The following NRXN1 variants were observed in gnomAD, a reference collection of about 807,000 sequenced individuals.
NRXN1 encodes the protein neurexin-1.
In NRXN1, 39 loss-of-function variants were observed where a neutral mutation model predicts 150.9. The observed-to-expected ratio is 0.26, with a 90% CI of 0.20 to 0.34. The LOEUF is 0.34. Among genes scored for constraint, NRXN1 ranks in the 10% least tolerant of loss-of-function variants. The pLI is 1.00. For missense variants in NRXN1, 1,815 were observed against 1,949.9 expected (o/e 0.93, Z 1.30); for synonymous variants, 924 against 757.0 (o/e 1.22, Z -3.62).
At chr2:50,208,459 A>T (rs1193721429) in intron 18 of NRXN1, among the ~76,000 whole-genome samples, 1 of 152,088 alleles carries the variant, frequency 6.6e-6, no homozygotes, top group African/African-American at 2.4e-5. Flanking sequence ...ATCTTTGTAA[A>T]TCTTTCTCAC....
At chr2:50,555,987 G>C (rs1668186666) in intron 8 of NRXN1, among the ~76,000 whole-genome samples, 1 of 152,008 alleles carries the variant, frequency 6.6e-6, no homozygotes, top group Non-Finnish European at 1.5e-5. Context: ...AGTTCTTGTA[G>C]GTAAGAACTA....
chr2:50,526,533 C>T (rs760993568), intron 12 of NRXN1, among the ~76,000 whole-genome samples: 2 of 152,148 alleles, frequency 1.3e-5, no homozygotes, highest in Non-Finnish European at 2.9e-5. Context: ...ACAAAATGCA[C>T]TCCAGGTAGA....
intron 9 of NRXN1, among the ~76,000 whole-genome samples, chr2:50,551,116 G>A (rs1314043254): frequency 8.2e-6 from 1 of 121,982 alleles, no homozygotes; most frequent in Non-Finnish European, 1.7e-5. Context: ...GAGGGGGAGG[G>A]GGAGGGGGAG....
In NRXN1 at chr2:50,746,243, G is replaced by A. The variant is rs114350510; in HGVS notation, c.833-122628C>T. On this transcript the variant is annotated intron_variant, in intron 5 of 22. Coordinates refer to ENST00000401669, the MANE Select transcript of NRXN1 (RefSeq NM_001330078.2). ...GCTCACTGGTGTGAGGGGCTGGTGA[G>A]CAAGCGTACTACTGTATCAATGAAA... 2.4e-3 allele frequency among the ~76,000 whole-genome samples: 367 copies of A among 152,150 alleles called. 2 individuals carry two copies. Among genetic ancestry groups the A allele is most frequent in the Non-Finnish European group, 3.8e-3 (261 of 68,010 alleles).
intron 18 of NRXN1, among the ~76,000 whole-genome samples, chr2:50,150,392 C>G (rs2058626514): frequency 6.6e-6 from 1 of 151,800 alleles, no homozygotes; most frequent in South Asian, 2.1e-4. Flanking sequence ...GACATCAGAA[C>G]TAGCAAAGGA....
At position 51,003,671 on chromosome 2, in the gene NRXN1, G is replaced by A. The variant is rs890883867; in HGVS notation, c.772+23831C>T. On this transcript the variant is annotated intron_variant, in intron 2 of 22. Transcript: ENST00000401669. ...GTAGCTTATTTGCCTCTGACTCCTG[G>A]TACATATGACAATATATCCTGCTTG... Among the ~76,000 whole-genome samples, 13 of 152,008 alleles carry A rather than the reference G, an allele frequency of 8.6e-5. No homozygotes were observed. In the South Asian group the frequency reaches 1.5e-3, roughly 17 times the overall value.
At chr2:50,108,153 C>A (rs1316697098) in intron 18 of NRXN1, among the ~76,000 whole-genome samples, 2 of 151,930 alleles carry the variant, frequency 1.3e-5, no homozygotes, top group African/African-American at 4.8e-5. Flanking sequence ...AGTATAACTC[C>A]CCTCTAACTC....
At chr2:50,419,039 T>C (rs142380189) in intron 17 of NRXN1, among the ~76,000 whole-genome samples, 3 of 152,140 alleles carry the variant, frequency 2.0e-5, no homozygotes, top group East Asian at 1.9e-4. Context: ...GAAGACAAAA[T>C]ACACAATTGA....
At chr2:50,748,942 A>G (rs890821631) in intron 5 of NRXN1, among the ~76,000 whole-genome samples, 2 of 152,112 alleles carry the variant, frequency 1.3e-5, no homozygotes, top group African/African-American at 4.8e-5. Flanking sequence ...TCCAAAAAAG[A>G]TTCATGATAG....
At chr2:50,409,130 G>C (rs1260731255) in intron 17 of NRXN1, among the ~76,000 whole-genome samples, 2 of 152,116 alleles carry the variant, frequency 1.3e-5, no homozygotes, top group Non-Finnish European at 2.9e-5. Flanking sequence ...TAATCTCCAT[G>C]TGGTCCCCAA....
intron 21 of NRXN1, among the ~76,000 whole-genome samples, chr2:50,014,478 T>A (rs1573412901): frequency 6.6e-6 from 1 of 152,082 alleles, no homozygotes; most frequent in Non-Finnish European, 1.5e-5. Context: ...CATCCTTGAC[T>A]TCTATTCACC....
At chr2:50,698,838 T>A (rs1283126822) in intron 5 of NRXN1, among the ~76,000 whole-genome samples, 1 of 152,216 alleles carries the variant, frequency 6.6e-6, no homozygotes, top group Non-Finnish European at 1.5e-5. Context: ...TTATGAAATG[T>A]CTGTCTGTTT....
At chr2:50,525,676 G>A (rs1379909135) in intron 12 of NRXN1, among the ~76,000 whole-genome samples, 2 of 152,234 alleles carry the variant, frequency 1.3e-5, no homozygotes, top group East Asian at 1.9e-4. Flanking sequence ...ACATTTGGCA[G>A]TGAAATGGCC....
intron 2 of NRXN1, among the ~76,000 whole-genome samples, chr2:51,000,203 T>C (rs185683330): frequency 4.6e-5 from 7 of 152,128 alleles, no homozygotes; most frequent in African/African-American, 1.7e-4. Flanking sequence ...TTGTGTTTGC[T>C]CAAATGTCAG....
intron 5 of NRXN1, among the ~76,000 whole-genome samples, chr2:50,812,881 G>A (rs192325985): frequency 6.6e-5 from 10 of 151,454 alleles, no homozygotes; most frequent in Non-Finnish European, 1.5e-4. Context: ...TTGAAAAAAT[G>A]GTTTTAAATT....
intron 18 of NRXN1, among the ~76,000 whole-genome samples, chr2:50,220,000 ATTATATAATATAT>A (rs2063755153): frequency 7.6e-5 from 3 of 39,388 alleles, no homozygotes; most frequent in Non-Finnish European, 1.5e-4. Context: ...TATAATATAT[ATTATATAATATAT>A]TATATATATA....
intron 22 of NRXN1, among the ~76,000 whole-genome samples, chr2:49,934,307 C>T (rs1339699293): frequency 1.3e-5 from 2 of 151,996 alleles, no homozygotes; most frequent in Non-Finnish European, 2.9e-5. Context: ...CAGTGTACTC[C>T]GGATGAAATC....
At chr2:50,918,988 G>C (rs1485584541) in intron 5 of NRXN1, 1 of 144,688 alleles carries the variant, frequency 6.9e-6, no homozygotes, top group Non-Finnish European at 1.5e-5. Context: ...ACCATATCCA[G>C]TTAAAGGTGA....
intron 5 of NRXN1, among the ~76,000 whole-genome samples, chr2:50,913,780 A>C (rs1294397051): frequency 6.6e-6 from 1 of 151,750 alleles, no homozygotes; most frequent in Non-Finnish European, 1.5e-5. Flanking sequence ...GGAGAACTGC[A>C]GTTTTGTGCA....
Sources: gnomAD v4.1 joint callset for allele counts (sites outside exome capture counted in the v4.1 genomes callset) on GRCh38, gnomAD v4.1.1 for gene constraint, MANE v1.5 for transcripts, NCBI Gene and HGNC (gene_info 2026-07-23, HGNC 2026-07-21) for gene names.